The following CFLAR variants were observed in gnomAD, a reference collection of about 807,000 sequenced individuals.
CFLAR encodes the protein CASP8 and FADD-like apoptosis regulator.
In CFLAR, 14 loss-of-function variants were observed where a neutral mutation model predicts 51.1. The ratio of observed to expected loss-of-function variants is 0.27; its 90% CI spans 0.18 to 0.43. The LOEUF is 0.43. Among genes scored for constraint, CFLAR ranks in the 20% least tolerant of loss-of-function variants. The pLI, the probability that CFLAR is intolerant of heterozygous loss-of-function variation, is 1.00. For missense variants in CFLAR, 390 were observed against 566.5 expected (o/e 0.69, Z 3.16); for synonymous variants, 210 against 211.6 (o/e 0.99, Z 0.06).
intron 8 of CFLAR, among the ~76,000 whole-genome samples, chr2:201,153,846 A>AT (rs961150461): frequency 1.0e-4 from 15 of 146,982 alleles, no homozygotes; most frequent in Non-Finnish European, 2.1e-4. Flanking sequence ...TCTCCATTAA[A>AT]TTTTTTTTGT....
At position 201,140,757 on chromosome 2, in the gene CFLAR, ATG is replaced by A. The variant is rs761507383; in HGVS notation, c.606+320_606+321del. The A allele has an allele frequency of 8.9e-3, 977 of 110,246 alleles. 19 individuals are homozygous for A. The highest frequency in any genetic ancestry group is 0.051 in the African/African-American group (907 of 17,712). 6.8% of individuals were successfully genotyped at this position (110,246 alleles called of 1,614,324 possible). A position where few individuals can be genotyped will look rare whatever the true frequency, so the allele number is the denominator to read the frequency against. On this transcript the variant is annotated intron_variant, in intron 5 of 9. Coordinates refer to ENST00000309955, the MANE Select transcript of CFLAR (RefSeq NM_003879.7). Reference sequence around the variant, plus strand: ...TGGGTTTGCATCTGTATCTGTATGTATGTATATATATATATATATACATACAT... The same window carrying A: ...TGGGTTTGCATCTGTATCTGTATGTATATATATATATATATATACATACAT...
intron 1 of CFLAR, chr2:201,122,750 A>G (rs1310808373): frequency 6.6e-6 from 1 of 152,266 alleles, no homozygotes; most frequent in Non-Finnish European, 1.5e-5. Flanking sequence ...AATTTCAGGT[A>G]CAGACTGAGA....
At chr2:201,136,161 G>A (rs1367218428) in intron 4 of CFLAR, 54 bp downstream of exon 4, 3 of 1,612,602 alleles carry the variant, frequency 1.9e-6, no homozygotes. Context: ...GCATGGGGGT[G>A]GGCATCATGA....
chr2:201,161,086 A>G (rs1942932785), intron 9 of CFLAR, 144 bp downstream of exon 9: 1 of 614,440 alleles, frequency 1.6e-6, no homozygotes, highest in South Asian at 2.0e-5. Context: ...TTGCCCTAGG[A>G]CTACAGTATA....
intron 7 of CFLAR, 34 bp from the exon 8 acceptor site, chr2:201,149,720 C>T (rs1189848765): frequency 1.3e-6 from 2 of 1,524,486 alleles, no homozygotes; most frequent in Non-Finnish European, 1.8e-6. Context: ...GAGCAATATC[C>T]AGAGTCTTTA....
At chr2:201,139,140 C>T (rs1937723150) in intron 4 of CFLAR, 1 of 371,314 alleles carries the variant, frequency 2.7e-6, no homozygotes, top group Non-Finnish European at 5.2e-6. Flanking sequence ...TACCCCCAAC[C>T]CTGTGCTCCC....
At chr2:201,156,257 T>A (rs1413270607) in intron 8 of CFLAR, among the ~76,000 whole-genome samples, 1 of 152,230 alleles carries the variant, frequency 6.6e-6, no homozygotes, top group Non-Finnish European at 1.5e-5. Context: ...AGATTTGCAA[T>A]GCATATTGAC....
chr2:201,132,887 G>C (rs2049519486), intron 2 of CFLAR, 142 bp from the exon 3 acceptor site: 1 of 715,952 alleles, frequency 1.4e-6, no homozygotes, highest in East Asian at 2.8e-5. Flanking sequence ...ATCTAGGCTT[G>C]CTGTTTTATG....
At chr2:201,132,085 CAACT>C (rs1253391783) in intron 2 of CFLAR, among the ~76,000 whole-genome samples, 2 of 152,190 alleles carry the variant, frequency 1.3e-5, no homozygotes, top group Admixed American at 6.6e-5. Flanking sequence ...CGGGAGGCAC[CAACT>C]GAGTTTCAGT....
chr2:201,142,181 G>C (rs991984895), intron 5 of CFLAR, among the ~76,000 whole-genome samples: 1 of 151,946 alleles, frequency 6.6e-6, no homozygotes, highest in Non-Finnish European at 1.5e-5. Context: ...GGCTGAGGTG[G>C]GAGAAATTGC....
intron 5 of CFLAR, among the ~76,000 whole-genome samples, chr2:201,140,942 T>A (rs531622209): frequency 2.0e-5 from 3 of 152,210 alleles, no homozygotes; most frequent in Non-Finnish European, 4.4e-5. Context: ...TTTAAAAGTA[T>A]TTTTTTGCCC....
chr2:201,140,485 A>AATAAAAATAT, intron 5 of CFLAR, 46 bp downstream of exon 5: 1 of 1,433,654 alleles, frequency 7.0e-7, no homozygotes, highest in Non-Finnish European at 9.5e-7. Flanking sequence ...AAACCGTTTC[A>AATAAAAATAT]GAGTTCTAAT....
rs1357927519 is a variant in CFLAR, at chr2:201,171,974, CCTT to C, written c.*8004_*8006del. 4 of 152,348 alleles carry C rather than the reference CCTT, an allele frequency of 2.6e-5. No individual in the cohort carries two copies. The highest frequency in any genetic ancestry group is 3.9e-4 in the East Asian group (2 of 5,190). The allele number at this position is 152,348 out of a possible 1,614,324, so 9.4% of individuals were successfully genotyped here. A position where few individuals can be genotyped will look rare whatever the true frequency, so the allele number is the denominator to read the frequency against. ...TTCAAGGGCAGTTCAAATACCATCT[CCTT>C]CTATCCTCCATGAAGTCAGTTATCT... On this transcript the variant is annotated 3_prime_UTR_variant, in exon 10 of 10. Transcript: ENST00000309955.
intron 1 of CFLAR, among the ~76,000 whole-genome samples, chr2:201,128,580 A>C (rs773451851): frequency 6.6e-5 from 10 of 152,154 alleles, no homozygotes; most frequent in Admixed American, 1.3e-4. Context: ...TTGTGGACTG[A>C]TACTGTATGT....
intron 1 of CFLAR, among the ~76,000 whole-genome samples, chr2:201,125,995 A>G (rs757511128): frequency 6.6e-6 from 1 of 152,102 alleles, no homozygotes; most frequent in Non-Finnish European, 1.5e-5. Flanking sequence ...AAGGCCAGAT[A>G]ATTGAAAATG....
At chr2:201,163,184 A>C (rs917021733) in intron 9 of CFLAR, 1 of 1,053,036 alleles carries the variant, frequency 9.5e-7, no homozygotes, top group African/African-American at 1.6e-5. Context: ...ATAGGTGAAA[A>C]GTGGTATCTG....
At chr2:201,134,423 T>C (rs1409703508) in intron 3 of CFLAR, among the ~76,000 whole-genome samples, 1 of 151,908 alleles carries the variant, frequency 6.6e-6, no homozygotes, top group African/African-American at 2.4e-5. Context: ...TCACTTGAGG[T>C]CAGGAGTTCA....
intron 8 of CFLAR, among the ~76,000 whole-genome samples, chr2:201,152,635 C>T (rs758277018): frequency 2.0e-5 from 3 of 152,076 alleles, no homozygotes; most frequent in Non-Finnish European, 4.4e-5. Context: ...TGCCCTAGGC[C>T]CAAGGGTGAG....
intron 3 of CFLAR, among the ~76,000 whole-genome samples, chr2:201,133,800 G>A (rs1166607185): frequency 2.0e-5 from 3 of 151,044 alleles, no homozygotes; most frequent in East Asian, 2.0e-4. Context: ...GTGTGGTGGC[G>A]GGCGCCTGTA....
Sources: gnomAD v4.1 joint callset for allele counts (sites outside exome capture counted in the v4.1 genomes callset) on GRCh38, gnomAD v4.1.1 for gene constraint, MANE v1.5 for transcripts, NCBI Gene and HGNC (gene_info 2026-07-23, HGNC 2026-07-21) for gene names.